Variants in VPS13D observed in about 807,000 individuals in gnomAD.
The protein encoded by VPS13D is vacuolar protein sorting 13 homolog D, also known as intermembrane lipid transfer protein VPS13D.
Under a neutral mutation model 461.9 loss-of-function variants are expected in VPS13D, and 187 were observed. The observed-to-expected ratio is 0.40, with a 90% CI of 0.36 to 0.46. The LOEUF (loss-of-function observed/expected upper bound fraction) is 0.46. Among genes scored for constraint, VPS13D ranks in the 20% least tolerant of loss-of-function variants. VPS13D has a pLI of 0.60. For synonymous variants in VPS13D, 1,951 were observed against 1,986.3 expected (o/e 0.98, Z 0.47); for missense variants, 4,711 against 5,364.9 (o/e 0.88, Z 3.81).
chr1:12,244,167 A>T (rs1047285336), intron 3 of VPS13D, 79 bp from the exon 4 acceptor site: 1 of 1,469,490 alleles, frequency 6.8e-7, no homozygotes, highest in African/African-American at 1.4e-5. Flanking sequence ...CTCCTTAAAC[A>T]AAATTGTAAA....
chr1:12,295,665 A>T (rs889991970), intron 24 of VPS13D, among the ~76,000 whole-genome samples: 1 of 152,212 alleles, frequency 6.6e-6, no homozygotes, highest in African/African-American at 2.4e-5. Flanking sequence ...AACTCAAAAA[A>T]AATTTAGCGT....
Position 12,253,844 on chromosome 1 carries a change from A to G in VPS13D, c.669+18A>G, listed in dbSNP as rs200154827. Reference sequence around the variant, plus strand: ...AGTTACAGGTACGATTTCGGCAGGGAGATTTGTTGCAAGACAGCATGGAAG... The same window carrying G: ...AGTTACAGGTACGATTTCGGCAGGGGGATTTGTTGCAAGACAGCATGGAAG... On this transcript the variant is annotated intron_variant, in intron 7 of 69. Coordinates refer to ENST00000620676, the MANE Select transcript of VPS13D (RefSeq NM_015378.4). 6.6e-5 allele frequency: 106 copies of G among 1,606,938 alleles called. No homozygotes were observed. In the African/African-American group the frequency reaches 1.2e-3, roughly 18 times the overall value.
At chr1:12,364,128 G>A (rs1437230403) in intron 52 of VPS13D, among the ~76,000 whole-genome samples, 2 of 152,058 alleles carry the variant, frequency 1.3e-5, no homozygotes, top group Non-Finnish European at 2.9e-5. Flanking sequence ...GTTAACTGGT[G>A]TAAGTACATT....
chr1:12,387,153 G>A (rs1644360630), intron 60 of VPS13D, among the ~76,000 whole-genome samples: 1 of 152,088 alleles, frequency 6.6e-6, no homozygotes. Context: ...CCCACCAGCT[G>A]GACTGGAAAA....
intron 65 of VPS13D, among the ~76,000 whole-genome samples, chr1:12,429,572 G>T (rs1266227058): frequency 1.3e-5 from 2 of 152,194 alleles, no homozygotes; most frequent in Non-Finnish European, 2.9e-5. Flanking sequence ...CATTACAGGC[G>T]TGAGCCACTG....
At chr1:12,328,564 G>C (rs1305917218) in intron 36 of VPS13D, among the ~76,000 whole-genome samples, 2 of 151,976 alleles carry the variant, frequency 1.3e-5, no homozygotes, top group Admixed American at 1.3e-4. Context: ...TTATGAGACG[G>C]AGTTTCGCTC....
At chr1:12,295,076 GC>G (rs972873230) in intron 24 of VPS13D, among the ~76,000 whole-genome samples, 1,637 of 149,164 alleles carry the variant, frequency 0.011, 24 homozygotes, top group African/African-American at 0.039. Flanking sequence ...ACAGAAATTA[GC>G]CGGGTGTGGT....
chr1:12,409,784 A>C (rs973154017), intron 63 of VPS13D: 5 of 437,198 alleles, frequency 1.1e-5, no homozygotes, highest in South Asian at 8.1e-5. Context: ...TCAAGAAAAG[A>C]CAGATCGTGG....
At chr1:12,402,125 T>A (rs949049800) in intron 62 of VPS13D, among the ~76,000 whole-genome samples, 12 of 152,218 alleles carry the variant, frequency 7.9e-5, no homozygotes, top group African/African-American at 2.7e-4. Flanking sequence ...GTTCCTTTGG[T>A]TTAGTTGAGA....
chr1:12,496,544 T>A (rs1645959726), intron 67 of VPS13D, among the ~76,000 whole-genome samples: 1 of 152,214 alleles, frequency 6.6e-6, no homozygotes, highest in African/African-American at 2.4e-5. Flanking sequence ...CTCTTTTAGA[T>A]CTGTCTAGAG....
At chr1:12,374,063 C>T (rs1644163183) in intron 55 of VPS13D, among the ~76,000 whole-genome samples, 2 of 152,058 alleles carry the variant, frequency 1.3e-5, no homozygotes, top group African/African-American at 4.8e-5. Flanking sequence ...GATGTGATCA[C>T]CAGGTGTGAT....
At chr1:12,374,589 G>A (rs921803429) in intron 55 of VPS13D, among the ~76,000 whole-genome samples, 17 of 152,102 alleles carry the variant, frequency 1.1e-4, no homozygotes, top group Non-Finnish European at 2.2e-4. Context: ...TCAAGATTTT[G>A]TGGCGTGGTA....
intron 14 of VPS13D, 68 bp downstream of exon 14, chr1:12,267,079 T>A: frequency 1.4e-6 from 2 of 1,407,406 alleles, no homozygotes; most frequent in Non-Finnish European, 1.9e-6. Context: ...TTTAGGCAAA[T>A]GATAACTGAT....
At position 12,257,106 on chromosome 1, in the gene VPS13D, G is replaced by T. The variant is rs753634625; in HGVS notation, c.941+19G>T. The T allele has an allele frequency of 6.2e-6, 10 of 1,606,814 alleles. No individual in the cohort carries two copies. In the East Asian group the frequency reaches 2.2e-4, roughly 36 times the overall value. On this transcript the variant is annotated intron_variant, in intron 9 of 69. Coordinates refer to ENST00000620676, the MANE Select transcript of VPS13D (RefSeq NM_015378.4). ...CTAAGAAGTAAGGGCTTCTCAGTGTGGTCATGAAATTCATGTTAGAGCCTG... is the reference window on the plus strand; with the variant it reads ...CTAAGAAGTAAGGGCTTCTCAGTGTTGTCATGAAATTCATGTTAGAGCCTG...
Position 12,276,747 on chromosome 1 carries a change from TGATGGAGCTACACTGAACGACC to T in VPS13D, c.3163_3184del (p.Gly1055GlnfsTer26). ...CTGGACCGAATGTGGCCCACTTAACTGATGGAGCTACACTGAACGACCGATCAGCTACTAGTGTTTCACTTGA... is the reference window on the plus strand; with the variant it reads ...CTGGACCGAATGTGGCCCACTTAACTGATCAGCTACTAGTGTTTCACTTGA... On this transcript the variant is annotated frameshift_variant, in exon 19 of 70. Coordinates refer to ENST00000620676, the MANE Select transcript of VPS13D (RefSeq NM_015378.4). LOFTEE classifies it high-confidence loss of function. The surrounding 1 kb of genome is among the most constrained non-coding windows in gnomAD (Gnocchi z 4.5). 6.2e-7 allele frequency: 1 copy of T among 1,614,202 alleles called. No homozygotes were observed. Among genetic ancestry groups the T allele is most frequent in the Non-Finnish European group, 8.5e-7 (1 of 1,180,036 alleles).
Position 12,510,692 on chromosome 1 carries a change from G to C in VPS13D, c.*1668G>C, listed in dbSNP as rs903406816. The C allele has an allele frequency of 6.6e-6, 1 of 152,340 alleles. No individual in the cohort carries two copies. The highest frequency in any genetic ancestry group is 2.4e-5 in the African/African-American group (1 of 41,466). 9.4% of individuals were successfully genotyped at this position (152,340 alleles called of 1,614,324 possible). On this transcript the variant is annotated 3_prime_UTR_variant, in exon 70 of 70. Coordinates refer to ENST00000620676, the MANE Select transcript of VPS13D (RefSeq NM_015378.4). Reference sequence around the variant, plus strand: ...CTCCAAGTTAGTGGATTGCAGAATGGAAACTTGGCTTTTGCGGCACTGGGT... The same window carrying C: ...CTCCAAGTTAGTGGATTGCAGAATGCAAACTTGGCTTTTGCGGCACTGGGT...
At chr1:12,356,996 A>G (rs1426923810) in intron 49 of VPS13D, among the ~76,000 whole-genome samples, 1 of 152,036 alleles carries the variant, frequency 6.6e-6, no homozygotes, top group African/African-American at 2.4e-5. Context: ...GTGCCATTTT[A>G]TGGTCTCAGA....
At chr1:12,249,028 A>G (rs1042138877) in intron 5 of VPS13D, among the ~76,000 whole-genome samples, 195 bp from the exon 6 acceptor site, 1 of 152,228 alleles carries the variant, frequency 6.6e-6, no homozygotes, top group Non-Finnish European at 1.5e-5. Context: ...TTAGGAACTT[A>G]TAGGACACTG....
intron 30 of VPS13D, among the ~76,000 whole-genome samples, chr1:12,315,781 C>G (rs753879521): frequency 1.3e-5 from 2 of 152,062 alleles, no homozygotes; most frequent in Non-Finnish European, 2.9e-5. Context: ...TTCCTTTGAA[C>G]AAGAGGCTGG....
Sources: allele counts gnomAD v4.1 joint callset (sites outside exome capture counted in the v4.1 genomes callset), GRCh38; gene constraint gnomAD v4.1.1; non-coding constraint Gnocchi (gnomAD v3.1); transcripts MANE v1.5; gene names NCBI Gene and HGNC (gene_info 2026-07-23, HGNC 2026-07-21).